The following HEPACAM2 variants were observed in gnomAD, a reference collection of about 807,000 sequenced individuals.
HEPACAM2 encodes HEPACAM family member 2, also known as mitotic kinetics regulator.
In HEPACAM2, 49 loss-of-function variants were observed where a neutral mutation model predicts 49.6. That is an observed-to-expected ratio of 0.99 (90% CI 0.78 to 1.25). The LOEUF is 1.25. Ranked by LOEUF, HEPACAM2 falls within the 50% of genes most tolerant of loss-of-function variation. The pLI is 0.00. For synonymous variants in HEPACAM2, 197 were observed against 202.9 expected, an observed-to-expected ratio of 0.97 and a Z score of 0.25; for missense variants, 525 against 557.2, an observed-to-expected ratio of 0.94 and a Z score of 0.58.
upstream of HEPACAM2, among the ~76,000 whole-genome samples, chr7:93,231,281 C>T (rs1299026480): frequency 6.6e-6 from 1 of 151,992 alleles, no homozygotes; most frequent in East Asian, 1.9e-4. Flanking sequence ...TAGAAGTTAA[C>T]ATTATAATAA....
In HEPACAM2 at chr7:93,206,079, C is replaced by A. The variant is rs577654438; in HGVS notation, c.1012+2501G>T. On this transcript the variant is annotated intron_variant, in intron 4 of 9. Coordinates refer to ENST00000394468, the MANE Select transcript of HEPACAM2 (RefSeq NM_001039372.4). The stretch of plus-strand genomic sequence containing the variant: ...TTCTGATATTATGAGAATATCTTAG[C>A]TAAATATTAATGCAGAAAGTTTAGG... Among the ~76,000 whole-genome samples, 859 of 152,118 alleles carry A rather than the reference C, an allele frequency of 5.6e-3. 4 individuals are homozygous for A. Among genetic ancestry groups the A allele is most frequent in the Non-Finnish European group, 7.6e-3 (515 of 67,962 alleles).
intron 9 of HEPACAM2, 41 bp from the exon 10 acceptor site, chr7:93,189,311 AT>A: frequency 6.7e-7 from 1 of 1,492,528 alleles, no homozygotes; most frequent in Non-Finnish European, 9.1e-7. Flanking sequence ...AGTTCTATAG[AT>A]TTTTCAGGTC....
At chr7:93,210,871 C>T (rs909719083) in intron 3 of HEPACAM2, among the ~76,000 whole-genome samples, 1 of 151,922 alleles carries the variant, frequency 6.6e-6, no homozygotes, top group East Asian at 1.9e-4. Context: ...ATTTTCCTCA[C>T]CTTTTAATAT....
intron 4 of HEPACAM2, among the ~76,000 whole-genome samples, chr7:93,199,236 A>G (rs1381062422): frequency 6.6e-6 from 1 of 152,110 alleles, no homozygotes; most frequent in Non-Finnish European, 1.5e-5. Flanking sequence ...TTTTAAATTA[A>G]ACTCTTTCAA....
At chr7:93,226,696 A>T (rs1051644956), upstream of HEPACAM2, among the ~76,000 whole-genome samples, 3 of 152,226 alleles carry the variant, frequency 2.0e-5, no homozygotes, top group African/African-American at 7.2e-5. Context: ...TTCATAAATT[A>T]TACTTAGTTA....
At chr7:93,191,277 A>G (rs1014484242) in intron 9 of HEPACAM2, among the ~76,000 whole-genome samples, 4 of 151,990 alleles carry the variant, frequency 2.6e-5, no homozygotes, top group Admixed American at 1.3e-4. Flanking sequence ...GACTCTAGGT[A>G]AATTTTCTCT....
chr7:93,210,386 T>G (rs911340911), intron 3 of HEPACAM2, among the ~76,000 whole-genome samples: 1 of 151,954 alleles, frequency 6.6e-6, no homozygotes, highest in African/African-American at 2.4e-5. Flanking sequence ...AGCTATTAAA[T>G]AGCAGAGCTG....
chr7:93,192,000 A>G (rs1356982815), intron 9 of HEPACAM2, among the ~76,000 whole-genome samples: 1 of 152,122 alleles, frequency 6.6e-6, no homozygotes, highest in Non-Finnish European at 1.5e-5. Flanking sequence ...AAACTAATGT[A>G]CACAAGAGAA....
chr7:93,208,633 T>C lies in HEPACAM2; in HGVS notation c.959A>G (p.Asn320Ser), dbSNP rs373381341. 139 of 1,612,978 alleles carry C rather than the reference T, an allele frequency of 8.6e-5. 1 individual carries two copies. Among genetic ancestry groups the C allele is most frequent in the Non-Finnish European group, 9.6e-5 (113 of 1,179,362 alleles). Residue 320 changes from asparagine to serine, a missense_variant, in exon 4 of 10, where the codon AAC becomes AGC. By Grantham distance (46) the Asn-to-Ser change is conservative. Transcript: ENST00000394468. ...AGTTTCATCTTGCCTGCCGGTTATG[T>C]TGTTGTAAGCACAGCACACATAGTC... ...TMDYVCCAYN[N>S]ITGRQDETHF...
In HEPACAM2 at chr7:93,195,810, G is replaced by A. The variant is rs779316048; in HGVS notation, c.1275+18C>T. 5.0e-6 allele frequency: 8 copies of A among 1,593,156 alleles called. No individual in the cohort carries two copies. The highest frequency in any genetic ancestry group is 6.9e-6 in the Non-Finnish European group (8 of 1,162,032). ...CAGAATTCTACTTCTCGGTTAATCA[G>A]CCACTAGGAAAACCAACCCTGGAAA... On this transcript the variant is annotated intron_variant, in intron 8 of 9. Coordinates refer to ENST00000394468, the MANE Select transcript of HEPACAM2 (RefSeq NM_001039372.4).
At chr7:93,208,520 G>T in intron 4 of HEPACAM2, 60 bp downstream of exon 4, 1 of 1,388,452 alleles carries the variant, frequency 7.2e-7, no homozygotes, top group Non-Finnish European at 1.0e-6. Flanking sequence ...GATAGGGGAA[G>T]TGCAAGGCCA....
chr7:93,231,439 C>G (rs957265893), upstream of HEPACAM2, among the ~76,000 whole-genome samples: 10 of 152,176 alleles, frequency 6.6e-5, no homozygotes, highest in South Asian at 2.1e-4. Context: ...TTTCGCCATA[C>G]CTGCTTCGTC....
At chr7:93,227,068 G>T (rs756535592), upstream of HEPACAM2, among the ~76,000 whole-genome samples, 5 of 152,094 alleles carry the variant, frequency 3.3e-5, no homozygotes, top group Non-Finnish European at 7.4e-5. Flanking sequence ...CAAATCACAG[G>T]TGTGTTTCCA....
chr7:93,222,035 G>T (rs1036457214), intron 1 of HEPACAM2, among the ~76,000 whole-genome samples: 1 of 152,060 alleles, frequency 6.6e-6, no homozygotes, highest in African/African-American at 2.4e-5. Context: ...AGTGGTTTTC[G>T]CAAGGAAATA....
At chr7:93,229,920 A>C (rs1273899412), upstream of HEPACAM2, among the ~76,000 whole-genome samples, 1 of 152,220 alleles carries the variant, frequency 6.6e-6, no homozygotes, top group Non-Finnish European at 1.5e-5. Flanking sequence ...ATATAGTGTT[A>C]AGGTATGCTG....
At chr7:93,228,539 T>A (rs1042046895), upstream of HEPACAM2, among the ~76,000 whole-genome samples, 18 of 149,020 alleles carry the variant, frequency 1.2e-4, no homozygotes, top group African/African-American at 4.6e-4. Context: ...CAACAATTGT[T>A]AATTTTTACA....
At chr7:93,225,132 T>G (rs1794516121) in intron 1 of HEPACAM2, among the ~76,000 whole-genome samples, 1 of 152,136 alleles carries the variant, frequency 6.6e-6, no homozygotes, top group Non-Finnish European at 1.5e-5. Context: ...TAACGCCAGT[T>G]TCAAAAACAA....
chr7:93,208,485 G>A lies in HEPACAM2; in HGVS notation c.1012+95C>T, dbSNP rs1303678293. The A allele has an allele frequency of 3.9e-6, 4 of 1,033,140 alleles. No homozygotes were observed. In the East Asian group the frequency reaches 1.0e-4, roughly 26 times the overall value. The allele number at this position is 1,033,140 out of a possible 1,614,324, so 64.0% of individuals were successfully genotyped here. ...TAGAATATATGAATAATCCCACAAT[G>A]ATTTTCTTTTCTACCTAGGTATAAG... On this transcript the variant is annotated intron_variant, in intron 4 of 9. Transcript: ENST00000394468.
At chr7:93,200,540 A>G (rs1793855710) in intron 4 of HEPACAM2, among the ~76,000 whole-genome samples, 1 of 152,168 alleles carries the variant, frequency 6.6e-6, no homozygotes, top group Non-Finnish European at 1.5e-5. Flanking sequence ...ACATTGAATA[A>G]AGATTAATAA....
Sources: allele counts gnomAD v4.1 joint callset (sites outside exome capture counted in the v4.1 genomes callset), GRCh38; gene constraint gnomAD v4.1.1; transcripts MANE v1.5; gene names NCBI Gene and HGNC (gene_info 2026-07-23, HGNC 2026-07-21).